Variants in FARP1 observed in about 807,000 individuals in gnomAD.
FARP1 encodes FERM, ARHGEF and pleckstrin domain-containing protein 1.
FARP1 carries 52 observed loss-of-function variants against 128.8 expected under a neutral mutation model. The observed-to-expected ratio is 0.40, with a 90% CI of 0.32 to 0.51. FARP1 has a LOEUF of 0.51. Among genes scored for constraint, FARP1 ranks in the 20% least tolerant of loss-of-function variants. The pLI is 0.45. For synonymous variants in FARP1, 580 were observed against 551.8 expected, an observed-to-expected ratio of 1.05 and a Z score of -0.72; for missense variants, 1,333 against 1,367.9, an observed-to-expected ratio of 0.97 and a Z score of 0.40.
intron 2 of FARP1, among the ~76,000 whole-genome samples, chr13:98,219,708 C>G (rs1881299926): frequency 6.6e-6 from 1 of 152,176 alleles, no homozygotes; most frequent in African/African-American, 2.4e-5. Flanking sequence ...CTCTGTCACC[C>G]AGGCTGGAGT....
intron 5 of FARP1, among the ~76,000 whole-genome samples, chr13:98,371,917 T>A (rs934907123): frequency 2.6e-5 from 4 of 152,124 alleles, no homozygotes; most frequent in Non-Finnish European, 5.9e-5. Context: ...TTGCACTCTT[T>A]TGTTAAACAA....
intron 2 of FARP1, among the ~76,000 whole-genome samples, chr13:98,259,872 A>G (rs982607668): frequency 8.3e-5 from 7 of 83,960 alleles, no homozygotes; most frequent in African/African-American, 1.8e-4. Flanking sequence ...AAATTTAAAG[A>G]TACCTGAAAA....
chr13:98,203,221 C>T (rs1302320366), intron 1 of FARP1, among the ~76,000 whole-genome samples: 3 of 152,290 alleles, frequency 2.0e-5, no homozygotes, highest in Admixed American at 2.0e-4. Context: ...TATTCACGGA[C>T]ACATAGACAT....
At chr13:98,402,430 G>A (rs370660070) in intron 13 of FARP1, 15 of 152,338 alleles carry the variant, frequency 9.8e-5, no homozygotes, top group African/African-American at 3.6e-4. Flanking sequence ...AGGATTGATA[G>A]CTGGCCTTAA....
chr13:98,424,805 A>T (rs1040762378), intron 17 of FARP1, among the ~76,000 whole-genome samples, 155 bp downstream of exon 17: 5 of 152,200 alleles, frequency 3.3e-5, no homozygotes, highest in African/African-American at 1.2e-4. Context: ...GCAGCAGCTT[A>T]CAGCCCAGGA....
chr13:98,242,277 G>A (rs1469516513), intron 2 of FARP1, among the ~76,000 whole-genome samples: 2 of 152,154 alleles, frequency 1.3e-5, no homozygotes, highest in Non-Finnish European at 2.9e-5. Flanking sequence ...CTACCTTATG[G>A]AAACTGTTTT....
At chr13:98,191,716 G>A (rs1369895104) in intron 1 of FARP1, among the ~76,000 whole-genome samples, 1 of 152,188 alleles carries the variant, frequency 6.6e-6, no homozygotes, top group Non-Finnish European at 1.5e-5. Flanking sequence ...GCCGAGGCGG[G>A]CAGATCACCT....
intron 3 of FARP1, among the ~76,000 whole-genome samples, chr13:98,351,631 GAAA>G (rs1297275212): frequency 6.7e-6 from 1 of 149,798 alleles, no homozygotes; most frequent in Non-Finnish European, 1.5e-5. Context: ...AAAAAAGAAA[GAAA>G]AAAAGAAAAG....
chr13:98,332,645 TAA>T (rs1374309606), intron 2 of FARP1: 3 of 152,228 alleles, frequency 2.0e-5, no homozygotes, highest in African/African-American at 7.2e-5. Flanking sequence ...ATAAAAACAT[TAA>T]AGTCTCCTTC....
intron 2 of FARP1, among the ~76,000 whole-genome samples, chr13:98,223,620 C>T (rs1432752379): frequency 6.6e-6 from 1 of 152,216 alleles, no homozygotes; most frequent in Non-Finnish European, 1.5e-5. Context: ...GCCACAGCGC[C>T]TGGCCATAGA....
At chr13:98,386,472 G>T (rs1384026090) in intron 8 of FARP1, among the ~76,000 whole-genome samples, 1 of 152,058 alleles carries the variant, frequency 6.6e-6, no homozygotes, top group African/African-American at 2.4e-5. Context: ...TCTCTTAGTA[G>T]CCTTATTGAA....
At chr13:98,184,448 G>C (rs1566714472) in intron 1 of FARP1, among the ~76,000 whole-genome samples, 1 of 152,174 alleles carries the variant, frequency 6.6e-6, no homozygotes, top group South Asian at 2.1e-4. Flanking sequence ...TCATTTTAAA[G>C]TTCTGTGCTA....
At chr13:98,294,217 C>T (rs1017426588) in intron 2 of FARP1, among the ~76,000 whole-genome samples, 7 of 152,064 alleles carry the variant, frequency 4.6e-5, no homozygotes, top group East Asian at 3.9e-4. Flanking sequence ...AGCACAGCTC[C>T]GTGAAATTTA....
chr13:98,438,864 T>C lies in FARP1; in HGVS notation c.2335T>C (p.Phe779Leu), dbSNP rs1467366498. 1 of 1,613,726 alleles carries C rather than the reference T, an allele frequency of 6.2e-7. No individual in the cohort carries two copies. Among genetic ancestry groups the C allele is most frequent in the South Asian group, 1.1e-5 (1 of 91,066 alleles). ...LSGKGLQQRM[F>L]FLFNDVLLYT... ...GGGGAAGGGGCTCCAGCAGCGCATG[T>C]TCTTCCTGGTGAGTGGAGAGAGCGG... The change falls in exon 20 of 27, where the codon TTC becomes CTC. Residue 779 changes from phenylalanine (F) to leucine (L), a missense_variant. This residue lies in a region of FARP1 where 1,009 missense variants were observed against 969.8 expected (regional missense o/e 1.04). Coordinates refer to ENST00000319562, the MANE Select transcript of FARP1 (RefSeq NM_005766.4).
At chr13:98,165,568 G>A (rs1403939991) in intron 1 of FARP1, among the ~76,000 whole-genome samples, 1 of 150,974 alleles carries the variant, frequency 6.6e-6, no homozygotes, top group Non-Finnish European at 1.5e-5. Flanking sequence ...AATTTACAGG[G>A]GAAAGTTTAC....
chr13:98,309,992 G>A (rs645628), intron 2 of FARP1, among the ~76,000 whole-genome samples: 115,654 of 151,920 alleles, frequency 0.76, 44,473 homozygotes, highest in East Asian at 1. Flanking sequence ...GTCTGTGTGC[G>A]TTGATGTCTG....
At chr13:98,316,969 C>T (rs1886748179) in intron 2 of FARP1, among the ~76,000 whole-genome samples, 1 of 152,216 alleles carries the variant, frequency 6.6e-6, no homozygotes, top group South Asian at 2.1e-4. Flanking sequence ...ACCTGTGAGG[C>T]TGATTCTGAA....
intron 2 of FARP1, among the ~76,000 whole-genome samples, chr13:98,260,429 G>A (rs181479783): frequency 2.6e-4 from 40 of 152,270 alleles, no homozygotes; most frequent in Non-Finnish European, 5.0e-4. Flanking sequence ...GGTATAGTCA[G>A]CTTCATCCTC....
At chr13:98,359,691 T>C (rs114047426) in intron 3 of FARP1, among the ~76,000 whole-genome samples, 50 of 152,274 alleles carry the variant, frequency 3.3e-4, no homozygotes, top group African/African-American at 1.0e-3. Context: ...TGTGTTGGAG[T>C]TGGCCTCAGT....
Sources: allele counts gnomAD v4.1 joint callset (sites outside exome capture counted in the v4.1 genomes callset), GRCh38; gene constraint gnomAD v4.1.1; regional missense constraint gnomAD v4.1.1; transcripts MANE v1.5; gene names NCBI Gene and HGNC (gene_info 2026-07-23, HGNC 2026-07-21).